The following CCNG1 variants were observed in gnomAD, a reference collection of about 807,000 sequenced individuals.
CCNG1 encodes the protein cyclin-G1.
CCNG1 carries 13 observed loss-of-function variants against 30.0 expected under a neutral mutation model. The ratio of observed to expected loss-of-function variants is 0.43; its 90% CI spans 0.28 to 0.69. CCNG1 has a LOEUF of 0.69. Among genes scored for constraint, CCNG1 ranks in the 30% least tolerant of loss-of-function variants. The pLI is 0.16. For synonymous variants in CCNG1, 110 were observed against 121.5 expected, an observed-to-expected ratio of 0.91 and a Z score of 0.62; for missense variants, 285 against 331.4, an observed-to-expected ratio of 0.86 and a Z score of 1.09.
At chr5:163,455,356 T>C in the CCNG1 span, among the ~76,000 whole-genome samples, 1 of 152,032 alleles carries the variant, frequency 6.6e-6, no homozygotes, top group Admixed American at 6.6e-5. Context: ...CTAAGAGGGA[T>C]AGCTGTAAGG....
chr5:163,444,458 G>T lies in CCNG1; in HGVS notation c.*788G>T, dbSNP rs898388260. On this transcript the variant is annotated 3_prime_UTR_variant, in exon 7 of 7. Transcript: ENST00000340828. The stretch of plus-strand genomic sequence containing the variant: ...GTAACTCAAAATAAATTATCACTTC[G>T]AAAACTTGCTTTCCCACACTAAGGT... The T allele has an allele frequency of 6.6e-6, 1 of 152,412 alleles. No homozygotes were observed. The highest frequency in any genetic ancestry group is 1.5e-5 in the Non-Finnish European group (1 of 68,004). The allele number at this position is 152,412 out of a possible 1,614,324, so 9.4% of individuals were successfully genotyped here.
the CCNG1 span, among the ~76,000 whole-genome samples, chr5:163,456,171 G>A: frequency 6.6e-6 from 1 of 152,164 alleles, no homozygotes; most frequent in African/African-American, 2.4e-5. Context: ...CAGAAAAAAA[G>A]TCTAGGCTAG....
At chr5:163,450,671 T>C (rs1163144286), downstream of CCNG1, 3 of 152,132 alleles carry the variant, frequency 2.0e-5, no homozygotes, top group Admixed American at 2.0e-4. Flanking sequence ...TAAACAAGTA[T>C]TGGCAAGGAT....
chr5:163,454,701 A>G, the CCNG1 span, among the ~76,000 whole-genome samples: 9 of 152,206 alleles, frequency 5.9e-5, no homozygotes, highest in African/African-American at 1.9e-4. Context: ...AGCTATACAT[A>G]TATAAGATAT....
chr5:163,438,306 A>C (rs1757596786), intron 1 of CCNG1, among the ~76,000 whole-genome samples: 1 of 152,042 alleles, frequency 6.6e-6, no homozygotes, highest in South Asian at 2.1e-4. Context: ...AAAGTTAAGT[A>C]ATATTGAGTA....
chr5:163,457,591 G>T, the CCNG1 span: 2 of 1,581,976 alleles, frequency 1.3e-6, no homozygotes, highest in Non-Finnish European at 1.7e-6. Context: ...ATCAGCTATT[G>T]TAGAATCAAA....
the CCNG1 span, among the ~76,000 whole-genome samples, chr5:163,454,341 TTTA>T: frequency 1.3e-5 from 2 of 152,144 alleles, no homozygotes; most frequent in East Asian, 1.9e-4. Flanking sequence ...TTTTATTTTA[TTTA>T]TTATTATTTT....
At chr5:163,445,398 T>C (rs1468672193), downstream of CCNG1, among the ~76,000 whole-genome samples, 2 of 152,182 alleles carry the variant, frequency 1.3e-5, no homozygotes, top group African/African-American at 4.8e-5. Flanking sequence ...TAAAGTTAGA[T>C]GCATAGTACC....
the CCNG1 span, chr5:163,454,108 C>A: frequency 5.9e-6 from 5 of 844,022 alleles, no homozygotes; most frequent in Non-Finnish European, 8.8e-6. Flanking sequence ...AATACAAGTA[C>A]AAACTGGCAA....
the CCNG1 span, among the ~76,000 whole-genome samples, chr5:163,455,740 A>G: frequency 6.6e-6 from 1 of 151,806 alleles, no homozygotes; most frequent in African/African-American, 2.4e-5. Flanking sequence ...TCTCAGAAAA[A>G]AAAAAAAAAA....
chr5:163,457,069 T>C, the CCNG1 span: 3 of 1,603,088 alleles, frequency 1.9e-6, no homozygotes, highest in Non-Finnish European at 2.6e-6. Context: ...ATACGAACCA[T>C]TTTTCTGTCC....
At position 163,441,896 on chromosome 5, in the gene CCNG1, A is replaced by T; in HGVS notation, c.529A>T (p.Ile177Phe). ...ATTTTCTTTTTAAAGGAGAAATAGC[A>T]TTAATTTTGAAAGACTAGAAGCTCA... ...ENLPLERRNS[I>F]NFERLEAQLK... The change falls in exon 4 of 7, where the codon ATT (isoleucine) becomes TTT (phenylalanine). Residue 177 changes from isoleucine (I) to phenylalanine (F), a missense_variant. Transcript: ENST00000340828. 1 of 1,594,514 alleles carries T rather than the reference A, an allele frequency of 6.3e-7. No individual in the cohort carries two copies. The highest frequency in any genetic ancestry group is 8.6e-7 in the Non-Finnish European group (1 of 1,162,872).
In CCNG1 at chr5:163,441,901, T is replaced by G; in HGVS notation, c.534T>G (p.Asn178Lys). The part of the protein sequence containing the change: ...NLPLERRNSI[N>K]FERLEAQLKA... ...CTTTTTAAAGGAGAAATAGCATTAATTTTGAAAGACTAGAAGCTCAACTGA... is the reference window on the plus strand; with the variant it reads ...CTTTTTAAAGGAGAAATAGCATTAAGTTTGAAAGACTAGAAGCTCAACTGA... The change falls in exon 4 of 7, where the codon AAT becomes AAG. Residue 178 changes from asparagine (N) to lysine (K), a missense_variant. Asn to Lys is a moderately conservative substitution (Grantham distance 94). Coordinates refer to ENST00000340828, the MANE Select transcript of CCNG1 (RefSeq NM_004060.4). The G allele has an allele frequency of 6.2e-7, 1 of 1,601,646 alleles. No individual in the cohort carries two copies. Among genetic ancestry groups the G allele is most frequent in the Non-Finnish European group, 8.6e-7 (1 of 1,169,212 alleles).
downstream of CCNG1, chr5:163,447,114 A>G (rs1259900836): frequency 1.3e-5 from 2 of 152,244 alleles, no homozygotes; most frequent in African/African-American, 2.4e-5. Flanking sequence ...ATTCACCAAG[A>G]CAGTGCTAAA....
At chr5:163,447,084 G>A (rs1005908763), downstream of CCNG1, 5 of 152,058 alleles carry the variant, frequency 3.3e-5, no homozygotes, top group African/African-American at 1.2e-4. Flanking sequence ...GGATAATTAG[G>A]GACATTATAT....
At chr5:163,445,289 A>G (rs1393716704), downstream of CCNG1, among the ~76,000 whole-genome samples, 1 of 152,112 alleles carries the variant, frequency 6.6e-6, no homozygotes, top group Non-Finnish European at 1.5e-5. Flanking sequence ...GAAACAATAA[A>G]ATCCCCATTA....
At chr5:163,457,421 C>T in the CCNG1 span, 3 of 628,204 alleles carry the variant, frequency 4.8e-6, no homozygotes, top group Non-Finnish European at 8.5e-6. Context: ...CACTAGGTAA[C>T]TTTGACATAC....
At position 163,444,077 on chromosome 5, in the gene CCNG1, C is replaced by G. The variant is rs1757961832; in HGVS notation, c.*407C>G. The G allele has an allele frequency of 1.1e-5, 2 of 182,278 alleles. No individual in the cohort carries two copies. Among genetic ancestry groups the G allele is most frequent in the Admixed American group, 6.0e-5 (1 of 16,658 alleles). 11.3% of individuals were successfully genotyped at this position (182,278 alleles called of 1,614,324 possible). ...CTTCAATCACTGTCATTATTCTAAT[C>G]CTACTCCTACTTAAATTTTAAGTTA... On this transcript the variant is annotated 3_prime_UTR_variant, in exon 7 of 7. Transcript: ENST00000340828.
At chr5:163,441,003 T>A (rs1757786184) in intron 2 of CCNG1, 75 bp from the exon 3 acceptor site, 1 of 1,460,280 alleles carries the variant, frequency 6.8e-7, no homozygotes, top group South Asian at 1.4e-5. Flanking sequence ...GGGTCGGAGT[T>A]CTAGATTATC....
Sources: allele counts gnomAD v4.1 joint callset (sites outside exome capture counted in the v4.1 genomes callset), GRCh38; gene constraint gnomAD v4.1.1; transcripts MANE v1.5; gene names NCBI Gene and HGNC (gene_info 2026-07-23, HGNC 2026-07-21).